NELL1: variants seen among roughly 807,000 people sequenced by gnomAD.
NELL1 encodes protein kinase C-binding protein NELL1.
In NELL1, 76 loss-of-function variants were observed where a neutral mutation model predicts 107.4. That is an observed-to-expected ratio of 0.71 (90% CI 0.59 to 0.86). The LOEUF (loss-of-function observed/expected upper bound fraction) is 0.86. Ranked by LOEUF, NELL1 falls within the 40% of genes least tolerant of loss-of-function variation. The pLI, the probability that NELL1 is intolerant of heterozygous loss-of-function variation, is 0.00. For synonymous variants in NELL1, 353 were observed against 341.2 expected, an observed-to-expected ratio of 1.03 and a Z score of -0.38; for missense variants, 1,024 against 1,005.5, an observed-to-expected ratio of 1.02 and a Z score of -0.25.
At chr11:20,937,545 A>G (rs1310419404) in intron 9 of NELL1, among the ~76,000 whole-genome samples, 3 of 152,254 alleles carry the variant, frequency 2.0e-5, no homozygotes, top group Non-Finnish European at 2.9e-5. Flanking sequence ...GGCAACTGTA[A>G]CATTGAAATA....
chr11:21,037,980 T>C (rs1033407776), intron 12 of NELL1, among the ~76,000 whole-genome samples: 2 of 152,194 alleles, frequency 1.3e-5, no homozygotes, highest in Admixed American at 1.3e-4. Flanking sequence ...GTTTGTTGGT[T>C]GTTAAATAAC....
intron 13 of NELL1, among the ~76,000 whole-genome samples, chr11:21,222,991 G>C (rs1409485933): frequency 6.6e-6 from 1 of 152,128 alleles, no homozygotes; most frequent in Non-Finnish European, 1.5e-5. Context: ...TGTTCTATGT[G>C]CTGATGAGAA....
intron 14 of NELL1, among the ~76,000 whole-genome samples, chr11:21,366,959 T>G (rs1216570457): frequency 6.6e-6 from 1 of 152,100 alleles, no homozygotes; most frequent in African/African-American, 2.4e-5. Flanking sequence ...TACATGGTGA[T>G]GGTACTGGAC....
chr11:21,415,807 A>T (rs1266892538), intron 15 of NELL1, among the ~76,000 whole-genome samples: 1 of 152,090 alleles, frequency 6.6e-6, no homozygotes, highest in African/African-American at 2.4e-5. Flanking sequence ...AAGCAGAAGC[A>T]GGAACCAGGT....
chr11:21,405,175 C>T (rs990266055), intron 15 of NELL1, among the ~76,000 whole-genome samples: 27 of 143,392 alleles, frequency 1.9e-4, no homozygotes, highest in Non-Finnish European at 1.5e-5. Flanking sequence ...TTTTCAATCA[C>T]ATAAGCCACT....
intron 12 of NELL1, among the ~76,000 whole-genome samples, chr11:21,009,103 A>T (rs143185050): frequency 3.4e-4 from 52 of 152,222 alleles, no homozygotes; most frequent in Admixed American, 1.0e-3. Context: ...GCTGCAATTT[A>T]CTGTTGGAAT....
rs1343381839 is a variant in NELL1, at chr11:20,869,347, A to G, written c.507-16097A>G. Among the ~76,000 whole-genome samples, 3 of 152,208 alleles carry G rather than the reference A, an allele frequency of 2.0e-5. 1 individual carries two copies. Among genetic ancestry groups the G allele is most frequent in the Non-Finnish European group, 4.4e-5 (3 of 68,028 alleles). On this transcript the variant is annotated intron_variant, in intron 4 of 19. Transcript: ENST00000357134. ...TCATTTATGCATGGAAATGTATGGC[A>G]TTTACTTGAGTAATTCTTCAGCTAT...
intron 11 of NELL1, among the ~76,000 whole-genome samples, chr11:20,959,893 C>CT (rs1469199006): frequency 6.6e-6 from 1 of 151,988 alleles, no homozygotes; most frequent in Non-Finnish European, 1.5e-5. Flanking sequence ...ATGGGCAAAG[C>CT]TAAATGGTAT....
intron 14 of NELL1, among the ~76,000 whole-genome samples, chr11:21,288,540 A>G (rs1270172287): frequency 3.3e-5 from 5 of 152,198 alleles, no homozygotes; most frequent in African/African-American, 1.2e-4. Context: ...TAGCTGACTG[A>G]CATTCATCCC....
intron 15 of NELL1, among the ~76,000 whole-genome samples, chr11:21,471,993 C>T (rs1257464523): frequency 6.6e-6 from 1 of 151,944 alleles, no homozygotes; most frequent in East Asian, 1.9e-4. Context: ...TTATTTTAGC[C>T]TGTTTCTGAA....
rs114967437 is a variant in NELL1, at chr11:21,452,539, G to C, written c.1645+81591G>C. Among the ~76,000 whole-genome samples, 934 of 152,016 alleles carry C rather than the reference G, an allele frequency of 6.1e-3. 8 individuals are homozygous for C. Among genetic ancestry groups the C allele is most frequent in the African/African-American group, 0.021 (882 of 41,506 alleles). ...TGTCTGAAATATGTAGTTGTAATCTGTGTGCTCTTTCTTTTCTTCTTATAA... is the reference window on the plus strand; with the variant it reads ...TGTCTGAAATATGTAGTTGTAATCTCTGTGCTCTTTCTTTTCTTCTTATAA... On this transcript the variant is annotated intron_variant, in intron 15 of 19. Coordinates refer to ENST00000357134, the MANE Select transcript of NELL1 (RefSeq NM_006157.5).
chr11:21,053,895 A>G (rs917775880), intron 12 of NELL1, among the ~76,000 whole-genome samples: 5 of 152,200 alleles, frequency 3.3e-5, no homozygotes, highest in Non-Finnish European at 7.3e-5. Flanking sequence ...GTCAAAATCA[A>G]TTTCTGCTTA....
intron 15 of NELL1, among the ~76,000 whole-genome samples, chr11:21,466,752 TAGG>T (rs1854042420): frequency 6.6e-6 from 1 of 151,916 alleles, no homozygotes; most frequent in African/African-American, 2.4e-5. Context: ...AACCTCCCAC[TAGG>T]AGAAGTTTTG....
intron 4 of NELL1, among the ~76,000 whole-genome samples, chr11:20,855,687 G>A (rs549857032): frequency 1.4e-4 from 22 of 152,224 alleles, no homozygotes; most frequent in East Asian, 7.7e-4. Context: ...GGATATGCAT[G>A]GTTATTTTTT....
intron 14 of NELL1, among the ~76,000 whole-genome samples, chr11:21,273,420 C>G (rs1476567972): frequency 6.6e-6 from 1 of 152,172 alleles, no homozygotes; most frequent in Admixed American, 6.5e-5. Context: ...ACCAAATCTA[C>G]GTCTGATTGG....
chr11:21,498,608 A>C (rs192260373), intron 15 of NELL1, among the ~76,000 whole-genome samples: 11 of 151,952 alleles, frequency 7.2e-5, no homozygotes, highest in East Asian at 1.9e-4. Flanking sequence ...ATAATGTCTC[A>C]ATTAATATTC....
chr11:21,351,938 C>G (rs904378623), intron 14 of NELL1, among the ~76,000 whole-genome samples: 2 of 152,122 alleles, frequency 1.3e-5, no homozygotes, highest in African/African-American at 4.8e-5. Context: ...TCCTAATGAC[C>G]GTAGGAGAAC....
chr11:20,746,452 G>T (rs1271015283), intron 2 of NELL1, among the ~76,000 whole-genome samples: 1 of 152,094 alleles, frequency 6.6e-6, no homozygotes, highest in Non-Finnish European at 1.5e-5. Context: ...GTAAGATGGA[G>T]ATATTAATAT....
intron 9 of NELL1, among the ~76,000 whole-genome samples, chr11:20,929,414 A>G (rs1850569444): frequency 6.6e-6 from 1 of 151,910 alleles, no homozygotes; most frequent in Non-Finnish European, 1.5e-5. Context: ...TGAACTTTTC[A>G]AAAAGGAACT....
Sources: gnomAD v4.1 joint callset for allele counts (sites outside exome capture counted in the v4.1 genomes callset) on GRCh38, gnomAD v4.1.1 for gene constraint, MANE v1.5 for transcripts, NCBI Gene and HGNC (gene_info 2026-07-23, HGNC 2026-07-21) for gene names.